The following MAP2 variants were observed in gnomAD, a reference collection of about 807,000 sequenced individuals.
The protein encoded by MAP2 is microtubule associated protein 2, also known as microtubule-associated protein 2.
Under a neutral mutation model 137.6 loss-of-function variants are expected in MAP2, and 14 were observed. The observed-to-expected ratio is 0.10, with a 90% CI of 0.07 to 0.16. The LOEUF is 0.16. Ranked by LOEUF, MAP2 falls within the 10% of genes least tolerant of loss-of-function variation. The probability of loss-of-function intolerance (pLI) is 1.00; values close to 1 mark genes in which losing one functional copy is unlikely to be tolerated. For synonymous variants in MAP2, 786 were observed against 782.3 expected, an observed-to-expected ratio of 1.00 and a Z score of -0.08; for missense variants, 2,088 against 2,191.5, an observed-to-expected ratio of 0.95 and a Z score of 0.94.
At chr2:209,729,784 C>T in intron 14 of MAP2, 66 bp from the exon 15 acceptor site, 1 of 1,054,232 alleles carries the variant, frequency 9.5e-7, no homozygotes, top group East Asian at 2.4e-5. Flanking sequence ...CTACTGCAGT[C>T]ATTTTTGGGA....
At chr2:209,620,035 AC>A (rs1330539075) in intron 3 of MAP2, among the ~76,000 whole-genome samples, 16 of 152,112 alleles carry the variant, frequency 1.1e-4, no homozygotes, top group Non-Finnish European at 1.5e-4. Flanking sequence ...AGAAGGATGT[AC>A]CTAGAGAGCT....
chr2:209,608,507 T>C (rs749506061), intron 3 of MAP2, among the ~76,000 whole-genome samples: 1 of 152,082 alleles, frequency 6.6e-6, no homozygotes, highest in Non-Finnish European at 1.5e-5. Flanking sequence ...GGCTGGGAAA[T>C]CTATTTTTAT....
At chr2:209,564,570 A>C (rs951254688) in intron 2 of MAP2, among the ~76,000 whole-genome samples, 1 of 150,942 alleles carries the variant, frequency 6.6e-6, no homozygotes, top group Non-Finnish European at 1.5e-5. Flanking sequence ...AAAAAAAAAA[A>C]AAAAAAAAAA....
rs368092265 is a variant in MAP2, at chr2:209,446,078, G to A, written c.-222+21802G>A. Among the ~76,000 whole-genome samples the A allele has an allele frequency of 9.9e-4, 150 of 151,708 alleles. 1 individual carries two copies. In the Middle Eastern group the frequency reaches 0.01, roughly 10 times the overall value. On this transcript the variant is annotated intron_variant, in intron 1 of 15. Transcript: ENST00000682079. Reference sequence around the variant, plus strand: ...GTTTAAAATTGTTCAATTTAATGCCGTAATATGGTCATAAGCTTGATGTGT... The same window carrying A: ...GTTTAAAATTGTTCAATTTAATGCCATAATATGGTCATAAGCTTGATGTGT...
chr2:209,667,145 T>C (rs143601898), intron 5 of MAP2, among the ~76,000 whole-genome samples: 327 of 152,064 alleles, frequency 2.2e-3, no homozygotes, highest in African/African-American at 7.5e-3. Context: ...ACACTTTAAT[T>C]AACATAATGA....
At chr2:209,683,084 A>G (rs998957975) in intron 7 of MAP2, among the ~76,000 whole-genome samples, 1 of 152,162 alleles carries the variant, frequency 6.6e-6, no homozygotes, top group Admixed American at 6.6e-5. Flanking sequence ...GAGTCCTCCC[A>G]TCCATCTGGG....
At chr2:209,485,659 T>C (rs368428194) in intron 1 of MAP2, among the ~76,000 whole-genome samples, 4 of 152,318 alleles carry the variant, frequency 2.6e-5, no homozygotes, top group East Asian at 3.9e-4. Context: ...AGCAAGACTT[T>C]CTATGTGGAA....
chr2:209,653,126 A>T lies in MAP2; in HGVS notation c.-29-16A>T, dbSNP rs907307033. On this transcript the variant is annotated splice_polypyrimidine_tract_variant and intron_variant, in intron 4 of 15. Transcript: ENST00000682079. ...AGATTTCCCCAAAGTAATAGCTACT[A>T]TTTTTTCTCTTTCAGTTGCAGGAGA... 1.3e-6 allele frequency: 2 copies of T among 1,532,378 alleles called. No homozygotes were observed. Among genetic ancestry groups the T allele is most frequent in the Admixed American group, 2.1e-5 (1 of 47,258 alleles). The allele number at this position is 1,532,378 out of a possible 1,614,324, so 94.9% of individuals were successfully genotyped here.
rs966791068 is a variant in MAP2, at chr2:209,695,120, G to C, written c.2950G>C (p.Gly984Arg). 102 of 1,614,022 alleles carry C rather than the reference G, an allele frequency of 6.3e-5. No homozygotes were observed. Among genetic ancestry groups the C allele is most frequent in the Non-Finnish European group, 8.4e-5 (99 of 1,180,034 alleles). The change falls in exon 8 of 16, where the codon GGT becomes CGT. Residue 984 changes from glycine (G) to arginine (R), a missense_variant. By Grantham distance (125) the Gly-to-Arg change is moderately radical (BLOSUM62 -2). Coordinates refer to ENST00000682079, the MANE Select transcript of MAP2 (RefSeq NM_001375505.1). ...KEHAKKTEEA[G>R]DEIETFGLGV... ...ACATGCCAAGAAAACTGAAGAGGCT[G>C]GTGATGAAATAGAAACATTCGGATT...
At chr2:209,659,713 A>G (rs1354011556) in intron 5 of MAP2, among the ~76,000 whole-genome samples, 3 of 152,014 alleles carry the variant, frequency 2.0e-5, no homozygotes, top group African/African-American at 4.8e-5. Context: ...ATCTTGAAGT[A>G]CAGTGCTGTG....
rs183911333 is a variant in MAP2 at position 209,515,385 on chromosome 2, A to T, written c.-172+7744A>T. Among the ~76,000 whole-genome samples the T allele has an allele frequency of 1.5e-3, 229 of 152,214 alleles. 5 individuals are homozygous for T. The highest frequency in any genetic ancestry group is 0.015 in the Admixed American group (229 of 15,288). On this transcript the variant is annotated intron_variant, in intron 2 of 15. Transcript: ENST00000682079. ...GAACTTTCCTGAAGTTGGGTAATTT[A>T]TAAGGAAAAGAGGTTTAATTGACTT...
intron 1 of MAP2, among the ~76,000 whole-genome samples, chr2:209,458,812 A>G (rs1306091824): frequency 1.3e-5 from 2 of 152,112 alleles, no homozygotes; most frequent in African/African-American, 4.8e-5. Flanking sequence ...AGTGAAGGAT[A>G]CTGGTTAAGA....
At chr2:209,609,765 A>T (rs2086178178) in intron 3 of MAP2, among the ~76,000 whole-genome samples, 1 of 152,204 alleles carries the variant, frequency 6.6e-6, no homozygotes. Flanking sequence ...TTAAACTGAA[A>T]GGAAACCCTG....
chr2:209,694,627 G>A lies in MAP2; in HGVS notation c.2457G>A (p.Leu819=), dbSNP rs1281334154. The A allele has an allele frequency of 1.9e-6, 3 of 1,614,134 alleles. No homozygotes were observed. In the Admixed American group the frequency reaches 5.0e-5, roughly 27 times the overall value. ...ATCTGGCAGGCACAAGGTCAAGATTGGCTTCTGTGAGTGCAGATGCTGAGG... is the reference window on the plus strand; with the variant it reads ...ATCTGGCAGGCACAAGGTCAAGATTAGCTTCTGTGAGTGCAGATGCTGAGG... ...MLDLAGTRSR[L]ASVSADAEVA... The change falls in exon 8 of 16, where the codon TTG becomes TTA. Residue 819 remains leucine (L), a synonymous_variant. Transcript: ENST00000682079.
intron 2 of MAP2, among the ~76,000 whole-genome samples, chr2:209,566,734 C>G (rs1043872465): frequency 3.3e-5 from 5 of 151,882 alleles, no homozygotes; most frequent in South Asian, 2.1e-4. Flanking sequence ...TGTTGTTGTT[C>G]TTCTTCAGCT....
Position 209,693,709 on chromosome 2 carries a change from C to T in MAP2, c.1539C>T (p.Thr513=). The T allele has an allele frequency of 1.2e-6, 2 of 1,613,266 alleles. No individual in the cohort carries two copies. Among genetic ancestry groups the T allele is most frequent in the Non-Finnish European group, 1.7e-6 (2 of 1,179,844 alleles). Residue 513 remains threonine, a synonymous_variant, in exon 8 of 16, where the codon ACC becomes ACT. Transcript: ENST00000682079. ...AAGCAGTTACAGATTCAGCCATGAC[C>T]TCTAAAACACTGGAGAAAGCCATGA... ...LEQAVTDSAM[T]SKTLEKAMTE... is the part of the protein sequence containing the mutation.
Position 209,509,695 on chromosome 2 carries a change from A to G in MAP2, c.-172+2054A>G, listed in dbSNP as rs1403116292. ...ACTATAACTAAGTTACTTTTGGTTT[A>G]AAATAAAAGAGTTTCCCTCACAGAA... On this transcript the variant is annotated intron_variant, in intron 2 of 15. Coordinates refer to ENST00000682079, the MANE Select transcript of MAP2 (RefSeq NM_001375505.1). 6.6e-5 allele frequency among the ~76,000 whole-genome samples: 10 copies of G among 152,054 alleles called. No homozygotes were observed. In the East Asian group the frequency reaches 1.9e-3, roughly 29 times the overall value.
chr2:209,579,168 C>T (rs989147718), intron 2 of MAP2: 7 of 151,994 alleles, frequency 4.6e-5, no homozygotes, highest in Non-Finnish European at 1.0e-4. Flanking sequence ...ATAAAAATTC[C>T]CATAAACTAG....
chr2:209,638,597 G>A lies in MAP2; in HGVS notation c.-30+13468G>A, dbSNP rs1044482762. 1.1e-4 allele frequency among the ~76,000 whole-genome samples: 16 copies of A among 152,166 alleles called. No homozygotes were observed. In the South Asian group the frequency reaches 1.7e-3, roughly 16 times the overall value. On this transcript the variant is annotated intron_variant, in intron 4 of 15. Transcript: ENST00000682079. The stretch of plus-strand genomic sequence containing the variant: ...ATTTAACATAATTAACTAGATCGTT[G>A]ATGCTCCACAGATGTAGTAGGTTAG...
Sources: allele counts gnomAD v4.1 joint callset (sites outside exome capture counted in the v4.1 genomes callset), GRCh38; gene constraint gnomAD v4.1.1; transcripts MANE v1.5; gene names NCBI Gene and HGNC (gene_info 2026-07-23, HGNC 2026-07-21).